The following CSMD1 variants were observed in gnomAD, a reference collection of about 807,000 sequenced individuals.
CSMD1 encodes the protein CUB and Sushi multiple domains 1.
CSMD1 carries 213 observed loss-of-function variants against 417.5 expected under a neutral mutation model. The observed-to-expected ratio is 0.51, with a 90% CI of 0.46 to 0.57. The LOEUF (loss-of-function observed/expected upper bound fraction) is 0.57. Among genes scored for constraint, CSMD1 ranks in the 20% least tolerant of loss-of-function variants. The pLI, the probability that CSMD1 is intolerant of heterozygous loss-of-function variation, is 0.00. For missense variants in CSMD1, 6,923 were observed against 4,529.7 expected, an observed-to-expected ratio of 1.53 and a Z score of -15.17; for synonymous variants, 2,862 against 1,736.8, an observed-to-expected ratio of 1.65 and a Z score of -16.11.
intron 20 of CSMD1, among the ~76,000 whole-genome samples, chr8:3,361,548 A>T (rs1030360316): frequency 2.7e-5 from 4 of 148,196 alleles, no homozygotes; most frequent in African/African-American, 9.9e-5. Flanking sequence ...GCTACTCGGG[A>T]GGCCGAGGCA....
intron 2 of CSMD1, among the ~76,000 whole-genome samples, chr8:4,465,912 C>A (rs929189547): frequency 2.0e-5 from 3 of 152,094 alleles, no homozygotes; most frequent in African/African-American, 4.8e-5. Flanking sequence ...AACTCACAGC[C>A]ATAGAAGAAG....
intron 1 of CSMD1, among the ~76,000 whole-genome samples, chr8:4,762,154 C>T (rs561824304): frequency 6.6e-6 from 1 of 151,998 alleles, no homozygotes; most frequent in Admixed American, 6.6e-5. Flanking sequence ...TAAGATGTCA[C>T]CACCTAGCAA....
rs535150098 is a variant in CSMD1 at position 4,789,602 on chromosome 8, T to C, written c.86-152044A>G. Among the ~76,000 whole-genome samples, 44 of 152,288 alleles carry C rather than the reference T, an allele frequency of 2.9e-4. 1 individual carries two copies. The highest frequency in any genetic ancestry group is 1.0e-3 in the African/African-American group (43 of 41,584). ...CCTAGGTTTGGGAATAAACTGTTTT[T>C]CTCACTCCAGTGTGGGGAAGTTTGT... On this transcript the variant is annotated intron_variant, in intron 1 of 69. Coordinates refer to ENST00000635120, the MANE Select transcript of CSMD1 (RefSeq NM_033225.6).
intron 41 of CSMD1, among the ~76,000 whole-genome samples, chr8:3,125,253 G>C (rs11136580): frequency 0.28 from 42,439 of 152,148 alleles, 12,311 homozygotes; most frequent in African/African-American, 0.73. Context: ...GGGTTTCATA[G>C]TGCCTGTGCT....
rs10101125 is a variant in CSMD1, at chr8:3,669,239, C to A, written c.1009+39175G>T. On this transcript the variant is annotated intron_variant, in intron 7 of 69. Coordinates refer to ENST00000635120, the MANE Select transcript of CSMD1 (RefSeq NM_033225.6). ...CAAAGACACTAAATAAGGTAGCACA[C>A]TGCATCAATCTGAGTGAAAATGTCT... Among the ~76,000 whole-genome samples the A allele has an allele frequency of 3.7e-4, 57 of 152,150 alleles. No homozygotes were observed. In the East Asian group the frequency reaches 7.5e-3, roughly 20 times the overall value.
chr8:4,081,065 T>G lies in CSMD1; in HGVS notation c.416-48966A>C, dbSNP rs1450032692. ...CACAAAGTTCATCCCCTTGGGTAAT[T>G]CAGTAAGAATGCAACACTTTGGAAG... On this transcript the variant is annotated intron_variant, in intron 3 of 69. Coordinates refer to ENST00000635120, the MANE Select transcript of CSMD1 (RefSeq NM_033225.6). Among the ~76,000 whole-genome samples the G allele has an allele frequency of 4.6e-5, 7 of 152,100 alleles. No homozygotes were observed. The South Asian group carries it at 1.5e-3, about 32-fold the overall frequency.
chr8:3,422,682 A>G (rs1334787545), intron 12 of CSMD1, among the ~76,000 whole-genome samples: 5 of 152,314 alleles, frequency 3.3e-5, no homozygotes, highest in East Asian at 3.9e-4. Context: ...TTCTGATGCC[A>G]GTGATTTTAT....
At chr8:3,007,250 C>T (rs1459592036) in intron 52 of CSMD1, among the ~76,000 whole-genome samples, 5 of 150,806 alleles carry the variant, frequency 3.3e-5, no homozygotes, top group African/African-American at 5.0e-5. Context: ...GTTAGAATGG[C>T]GATCATTAAA....
intron 3 of CSMD1, among the ~76,000 whole-genome samples, chr8:4,240,738 T>C (rs1434307685): frequency 6.6e-6 from 1 of 152,156 alleles, no homozygotes; most frequent in Non-Finnish European, 1.5e-5. Context: ...TTGCTCTTCC[T>C]TTTTTCTGTG....
intron 5 of CSMD1, among the ~76,000 whole-genome samples, chr8:3,758,145 G>T (rs1316334293): frequency 1.3e-5 from 2 of 152,044 alleles, no homozygotes; most frequent in South Asian, 4.1e-4. Flanking sequence ...TGTATATTTA[G>T]TAGAGATGGG....
chr8:3,664,451 T>A (rs1203277906), intron 7 of CSMD1, among the ~76,000 whole-genome samples: 1 of 152,222 alleles, frequency 6.6e-6, no homozygotes, highest in Non-Finnish European at 1.5e-5. Flanking sequence ...AAAATGGAAA[T>A]TGCTCAGAAA....
chr8:3,527,544 G>C (rs568360887), intron 10 of CSMD1, among the ~76,000 whole-genome samples: 1 of 152,210 alleles, frequency 6.6e-6, no homozygotes, highest in Non-Finnish European at 1.5e-5. Context: ...TGTGGCCATG[G>C]TCACAAGAAT....
rs200248199 is a variant in CSMD1 at position 4,316,756 on chromosome 8, G to GC, written c.415+103196dup. 9.6e-4 allele frequency among the ~76,000 whole-genome samples: 146 copies of GC among 152,094 alleles called. 1 individual carries two copies. In the East Asian group the frequency reaches 0.026, roughly 27 times the overall value. Reference sequence around the variant, plus strand: ...TAGTTAAATAAGAAAGTGGTCGAACGCCCCCAAAACCCTTTTCAAATCCAG... The same window carrying GC: ...TAGTTAAATAAGAAAGTGGTCGAACGCCCCCCAAAACCCTTTTCAAATCCAG... On this transcript the variant is annotated intron_variant, in intron 3 of 69. Coordinates refer to ENST00000635120, the MANE Select transcript of CSMD1 (RefSeq NM_033225.6).
intron 8 of CSMD1, among the ~76,000 whole-genome samples, chr8:3,591,091 A>T (rs544147273): frequency 1.3e-5 from 2 of 152,202 alleles, no homozygotes; most frequent in Admixed American, 6.5e-5. Context: ...TAGATTAATT[A>T]CGTTGCACAA....
At chr8:4,262,233 G>A (rs1041468077) in intron 3 of CSMD1, among the ~76,000 whole-genome samples, 10 of 152,184 alleles carry the variant, frequency 6.6e-5, no homozygotes, top group African/African-American at 2.4e-4. Flanking sequence ...TTGGATCTGA[G>A]AGTGAAACTC....
chr8:4,312,460 T>TAC, intron 3 of CSMD1, among the ~76,000 whole-genome samples: 1 of 136,632 alleles, frequency 7.3e-6, no homozygotes, highest in African/African-American at 2.6e-5. Flanking sequence ...CGTATATATA[T>TAC]GCGCGTATAT....
At position 2,951,127 on chromosome 8, in the gene CSMD1, C is replaced by G; in HGVS notation, c.10188G>C (p.Glu3396Asp). ...NATFSEASPV[E>D]LKLTGIYKKE... The stretch of plus-strand genomic sequence containing the variant: ...TTCGGGACCTACCTGTCAACTTCAG[C>G]TCCACTGGCGAGGCTTCGCTGAAGG... The change falls in exon 66 of 70, where the codon GAG (glutamate) becomes GAC (aspartate). Residue 3396 changes from glutamate to aspartate, a missense_variant. Coordinates refer to ENST00000635120, the MANE Select transcript of CSMD1 (RefSeq NM_033225.6). 6.2e-7 allele frequency: 1 copy of G among 1,612,798 alleles called. No individual in the cohort carries two copies. Among genetic ancestry groups the G allele is most frequent in the Non-Finnish European group, 8.5e-7 (1 of 1,179,280 alleles).
chr8:4,569,342 A>C (rs1186401262), intron 2 of CSMD1, among the ~76,000 whole-genome samples: 1 of 152,224 alleles, frequency 6.6e-6, no homozygotes, highest in African/African-American at 2.4e-5. Context: ...GAAGTGATCC[A>C]GTTACAGTTT....
At chr8:3,355,739 T>A (rs1808737016) in intron 21 of CSMD1, among the ~76,000 whole-genome samples, 1 of 152,208 alleles carries the variant, frequency 6.6e-6, no homozygotes, top group Non-Finnish European at 1.5e-5. Context: ...AAACCTCACC[T>A]GAAGATGTCC....
Sources: allele counts gnomAD v4.1 joint callset (sites outside exome capture counted in the v4.1 genomes callset), GRCh38; gene constraint gnomAD v4.1.1; transcripts MANE v1.5; gene names NCBI Gene and HGNC (gene_info 2026-07-23, HGNC 2026-07-21).